Variants in CCDC141 observed in about 807,000 individuals in gnomAD.
The protein encoded by CCDC141 is coiled-coil domain containing 141.
In CCDC141, 168 loss-of-function variants were observed where a neutral mutation model predicts 181.0. The ratio of observed to expected loss-of-function variants is 0.93; its 90% CI spans 0.82 to 1.05. The LOEUF is 1.05. Among genes scored for constraint, CCDC141 ranks in the 50% least tolerant of loss-of-function variants. The probability of loss-of-function intolerance (pLI) is 0.00; values close to 1 mark genes in which losing one functional copy is unlikely to be tolerated. For synonymous variants in CCDC141, 666 were observed against 642.3 expected, an observed-to-expected ratio of 1.04 and a Z score of -0.56; for missense variants, 1,902 against 1,788.5, an observed-to-expected ratio of 1.06 and a Z score of -1.14.
intron 22 of CCDC141, among the ~76,000 whole-genome samples, chr2:178,842,685 TAC>T (rs1411197806): frequency 6.6e-6 from 1 of 152,244 alleles, no homozygotes; most frequent in Non-Finnish European, 1.5e-5. Flanking sequence ...CAGATAGCCT[TAC>T]TTTAGGGTAA....
intron 20 of CCDC141, among the ~76,000 whole-genome samples, chr2:178,851,346 C>G (rs1310999764): frequency 6.6e-6 from 1 of 152,178 alleles, no homozygotes; most frequent in Non-Finnish European, 1.5e-5. Context: ...CTATGTCCCC[C>G]CATCCTGCCA....
At chr2:178,889,321 T>C (rs1024060698) in intron 8 of CCDC141, among the ~76,000 whole-genome samples, 2 of 152,084 alleles carry the variant, frequency 1.3e-5, no homozygotes, top group Non-Finnish European at 2.9e-5. Context: ...TCTAAAACAA[T>C]GCATGAACTT....
Position 178,868,088 on chromosome 2 carries a change from C to T in CCDC141, c.2512G>A (p.Asp838Asn), listed in dbSNP as rs779844268. 12 of 1,613,910 alleles carry T rather than the reference C, an allele frequency of 7.4e-6. No homozygotes were observed. The Admixed American group carries it at 2.0e-4, about 27-fold the overall frequency. ...GAAAGGGCCAGTCTGTGGAGATGGTCTACACGGGCTTGCTTTTCCTGAGAG... is the reference window on the plus strand; with the variant it reads ...GAAAGGGCCAGTCTGTGGAGATGGTTTACACGGGCTTGCTTTTCCTGAGAG... ...RCSQEKQARV[D>N]HLHRLALSLG... The change falls in exon 16 of 24, where the codon GAC becomes AAC. Residue 838 changes from aspartate to asparagine, a missense_variant. Transcript: ENST00000443758.
chr2:179,004,568 T>C (rs955459510), intron 2 of CCDC141, among the ~76,000 whole-genome samples: 2 of 152,180 alleles, frequency 1.3e-5, no homozygotes, highest in African/African-American at 4.8e-5. Context: ...CTGCCAAGCA[T>C]TTCTGTAATT....
chr2:178,981,636 G>GTATATATATACATATATA (rs1553495303), intron 2 of CCDC141, among the ~76,000 whole-genome samples: 1 of 62,404 alleles, frequency 1.6e-5, no homozygotes, highest in Admixed American at 2.0e-4. Context: ...GTGTGTGTGT[G>GTATATATATACATATATA]TATATATATA....
At chr2:178,981,986 T>C (rs553767247) in intron 2 of CCDC141, among the ~76,000 whole-genome samples, 10 of 151,910 alleles carry the variant, frequency 6.6e-5, no homozygotes, top group Middle Eastern at 6.8e-3. Flanking sequence ...CCATGGATAT[T>C]AAAAGGATAA....
intron 17 of CCDC141, among the ~76,000 whole-genome samples, chr2:178,865,132 T>G (rs531940253): frequency 6.6e-6 from 1 of 152,336 alleles, no homozygotes; most frequent in Admixed American, 6.5e-5. Flanking sequence ...GAGATAGAAT[T>G]AAGCATGTGG....
At chr2:178,932,656 C>T (rs1689145252) in intron 6 of CCDC141, among the ~76,000 whole-genome samples, 1 of 152,160 alleles carries the variant, frequency 6.6e-6, no homozygotes, top group South Asian at 2.1e-4. Context: ...TTGGAACACT[C>T]ATATGTAATT....
intron 7 of CCDC141, among the ~76,000 whole-genome samples, chr2:178,915,330 T>A (rs980500875): frequency 5.9e-5 from 9 of 152,220 alleles, no homozygotes; most frequent in Non-Finnish European, 1.0e-4. Context: ...AAATTGGATA[T>A]TTATTCTTTT....
At chr2:179,017,477 T>G (rs1404695420) in intron 2 of CCDC141, among the ~76,000 whole-genome samples, 1 of 152,066 alleles carries the variant, frequency 6.6e-6, no homozygotes, top group Non-Finnish European at 1.5e-5. Flanking sequence ...TCTGTGCCCT[T>G]CCTTAAATCC....
downstream of CCDC141, among the ~76,000 whole-genome samples, chr2:178,828,863 T>C (rs543117322): frequency 4.5e-4 from 69 of 152,334 alleles, no homozygotes; most frequent in African/African-American, 1.6e-3. Context: ...TTATTGCATG[T>C]TTTTTTAAAA....
At chr2:179,032,595 CT>C (rs1244188203) in intron 2 of CCDC141, among the ~76,000 whole-genome samples, 2 of 152,084 alleles carry the variant, frequency 1.3e-5, no homozygotes, top group African/African-American at 4.8e-5. Flanking sequence ...TATGAAAACA[CT>C]GCTGGTTTGG....
At chr2:178,943,977 G>C (rs1007337068) in intron 6 of CCDC141, among the ~76,000 whole-genome samples, 25 of 152,212 alleles carry the variant, frequency 1.6e-4, no homozygotes, top group African/African-American at 5.8e-4. Flanking sequence ...ATGTAAATTG[G>C]AACAGCAATC....
In CCDC141 at chr2:178,999,312, G is replaced by A. The variant is rs529640900; in HGVS notation, c.226-20637C>T. On this transcript the variant is annotated intron_variant, in intron 2 of 23. Transcript: ENST00000443758. Reference sequence around the variant, plus strand: ...GCTCCAAGATTTAATCAGTCACCAAGGCCCACTGAGTCAACTCCTACATAT... The same window carrying A: ...GCTCCAAGATTTAATCAGTCACCAAAGCCCACTGAGTCAACTCCTACATAT... Among the ~76,000 whole-genome samples, 6 of 152,104 alleles carry A rather than the reference G, an allele frequency of 3.9e-5. No homozygotes were observed. In the South Asian group the frequency reaches 1.0e-3, roughly 27 times the overall value.
chr2:178,988,017 C>T (rs1291125110), intron 2 of CCDC141, among the ~76,000 whole-genome samples: 1 of 151,774 alleles, frequency 6.6e-6, no homozygotes, highest in Non-Finnish European at 1.5e-5. Flanking sequence ...GACACATGCA[C>T]ACGTATGTTT....
chr2:178,930,426 T>TGGC (rs1184389210), intron 6 of CCDC141, among the ~76,000 whole-genome samples: 1 of 152,142 alleles, frequency 6.6e-6, no homozygotes, highest in Non-Finnish European at 1.5e-5. Flanking sequence ...AGAATCTCAC[T>TGGC]GGCCTTTTTT....
At chr2:179,019,805 C>T (rs2042643508) in intron 2 of CCDC141, among the ~76,000 whole-genome samples, 1 of 152,180 alleles carries the variant, frequency 6.6e-6, no homozygotes, top group African/African-American at 2.4e-5. Context: ...CTCACTCTGT[C>T]TCCCAGACTG....
At chr2:178,912,596 T>A (rs1313489494) in intron 7 of CCDC141, among the ~76,000 whole-genome samples, 1 of 152,206 alleles carries the variant, frequency 6.6e-6, no homozygotes, top group Non-Finnish European at 1.5e-5. Flanking sequence ...CATCACTCTG[T>A]CATAGGGAGT....
At position 178,958,919 on chromosome 2, in the gene CCDC141, CT is replaced by C. The variant is rs1690274117; in HGVS notation, c.780+2310del. On this transcript the variant is annotated intron_variant, in intron 5 of 23. Transcript: ENST00000443758. ...GGAGAGAGAAGGTCTTTGTGTTAAT[CT>C]GGATAAGAGATGTTGAGGTTTAAAA... is the stretch of plus-strand genomic sequence containing the variant. 2.1e-5 allele frequency among the ~76,000 whole-genome samples: 3 copies of C among 144,652 alleles called. No individual in the cohort carries two copies. In the Admixed American group the frequency reaches 2.1e-4, roughly 10 times the overall value. The allele number at this position is 144,652 out of a possible 152,430, so 94.9% of individuals were successfully genotyped here.
Sources: allele counts gnomAD v4.1 joint callset (sites outside exome capture counted in the v4.1 genomes callset), GRCh38; gene constraint gnomAD v4.1.1; transcripts MANE v1.5; gene names NCBI Gene and HGNC (gene_info 2026-07-23, HGNC 2026-07-21).